Variants in IGSF21 observed in about 807,000 individuals in gnomAD.
IGSF21 encodes the protein immunoglobulin superfamily member 21.
Under a neutral mutation model 46.8 loss-of-function variants are expected in IGSF21, and 28 were observed. The observed-to-expected ratio is 0.60, with a 90% CI of 0.44 to 0.82. The LOEUF (loss-of-function observed/expected upper bound fraction) is 0.82. IGSF21 is among the 40% of genes least tolerant of loss of function. IGSF21 has a pLI of 0.00. For missense variants in IGSF21, 624 were observed against 665.5 expected (o/e 0.94, Z 0.69); for synonymous variants, 284 against 273.6 (o/e 1.04, Z -0.38).
intron 1 of IGSF21, among the ~76,000 whole-genome samples, chr1:18,129,810 T>A (rs2086302166): frequency 6.6e-6 from 1 of 152,144 alleles, no homozygotes; most frequent in South Asian, 2.1e-4. Flanking sequence ...AAGAGGTGAT[T>A]AGGTCACGCG....
intron 1 of IGSF21, among the ~76,000 whole-genome samples, chr1:18,117,923 G>A (rs1363538469): frequency 1.3e-5 from 2 of 152,218 alleles, no homozygotes; most frequent in East Asian, 1.9e-4. Context: ...GCATGATGTG[G>A]GGGGCAGGTC....
intron 1 of IGSF21, among the ~76,000 whole-genome samples, chr1:18,146,737 C>T (rs991159656): frequency 3.9e-5 from 6 of 152,108 alleles, no homozygotes; most frequent in Admixed American, 1.3e-4. Flanking sequence ...TGACGTGCCC[C>T]TCTCCCCAGC....
chr1:18,202,639 T>G (rs2124483963), intron 1 of IGSF21, among the ~76,000 whole-genome samples: 1 of 152,170 alleles, frequency 6.6e-6, no homozygotes, highest in Non-Finnish European at 1.5e-5. Flanking sequence ...TCAGATCTCA[T>G]GAGAACTCAC....
At chr1:18,183,084 A>G (rs1250632838) in intron 1 of IGSF21, among the ~76,000 whole-genome samples, 2 of 152,156 alleles carry the variant, frequency 1.3e-5, no homozygotes, top group Admixed American at 6.5e-5. Flanking sequence ...CCTTTTTCTA[A>G]TAGAGTGACC....
At chr1:18,120,970 C>T (rs1483810156) in intron 1 of IGSF21, among the ~76,000 whole-genome samples, 1 of 152,176 alleles carries the variant, frequency 6.6e-6, no homozygotes, top group Non-Finnish European at 1.5e-5. Context: ...CGTCATTCCC[C>T]AGTCTATTTT....
At chr1:18,309,334 A>C (rs1231767705) in intron 3 of IGSF21, among the ~76,000 whole-genome samples, 2 of 152,134 alleles carry the variant, frequency 1.3e-5, no homozygotes, top group Non-Finnish European at 2.9e-5. Context: ...AGCCAAGTGC[A>C]CTTACATGTG....
chr1:18,316,810 T>G (rs1157254335), intron 3 of IGSF21, among the ~76,000 whole-genome samples: 1 of 152,194 alleles, frequency 6.6e-6, no homozygotes, highest in African/African-American at 2.4e-5. Context: ...AGAGGCATAA[T>G]GAGCTAATAT....
intron 2 of IGSF21, among the ~76,000 whole-genome samples, chr1:18,237,039 C>G (rs1292191474): frequency 4.6e-5 from 7 of 152,112 alleles, no homozygotes. Context: ...AACATGAAGA[C>G]CCAATTGCTT....
intron 6 of IGSF21, among the ~76,000 whole-genome samples, chr1:18,369,179 AC>A (rs2124635773): frequency 6.6e-6 from 1 of 152,272 alleles, no homozygotes; most frequent in South Asian, 2.1e-4. Flanking sequence ...GTAAAGAGAC[AC>A]CTGGGCTGAC....
chr1:18,232,622 C>T (rs2084639062), intron 2 of IGSF21, among the ~76,000 whole-genome samples: 1 of 152,222 alleles, frequency 6.6e-6, no homozygotes, highest in South Asian at 2.1e-4. Context: ...ACACCCTCCT[C>T]CATGAATCCT....
In IGSF21 at chr1:18,195,075, C is replaced by T. The variant is rs565493826; in HGVS notation, c.71-32823C>T. On this transcript the variant is annotated intron_variant, in intron 1 of 9. Coordinates refer to ENST00000251296, the MANE Select transcript of IGSF21 (RefSeq NM_032880.5). Reference sequence around the variant, plus strand: ...AGCCCCCATGATTCAATGATCTCCACCAGGCCATGCCCTTGACACATGGGG... The same window carrying T: ...AGCCCCCATGATTCAATGATCTCCATCAGGCCATGCCCTTGACACATGGGG... Among the ~76,000 whole-genome samples the T allele has an allele frequency of 1.4e-4, 22 of 152,338 alleles. No individual in the cohort carries two copies. The South Asian group carries it at 4.6e-3, about 32-fold the overall frequency.
intron 2 of IGSF21, among the ~76,000 whole-genome samples, chr1:18,267,089 G>A (rs1032546904): frequency 6.6e-6 from 1 of 152,220 alleles, no homozygotes; most frequent in Non-Finnish European, 1.5e-5. Flanking sequence ...CTGTATGTAT[G>A]TAACTCAGGC....
intron 1 of IGSF21, among the ~76,000 whole-genome samples, chr1:18,204,021 G>C (rs2087102659): frequency 6.6e-6 from 1 of 152,192 alleles, no homozygotes; most frequent in Admixed American, 6.5e-5. Flanking sequence ...TGTAAGATGT[G>C]ACCAACCTCT....
At chr1:18,339,221 G>A (rs1189271914) in intron 4 of IGSF21, among the ~76,000 whole-genome samples, 2 of 152,204 alleles carry the variant, frequency 1.3e-5, no homozygotes, top group Admixed American at 6.5e-5. Context: ...GTACATCCAC[G>A]TGAGTCACAG....
Position 18,368,154 on chromosome 1 carries a change from G to A in IGSF21, c.1015+2457G>A, listed in dbSNP as rs570191560. 1.6e-4 allele frequency among the ~76,000 whole-genome samples: 25 copies of A among 151,944 alleles called. No homozygotes were observed. In the East Asian group the frequency reaches 1.8e-3, roughly 11 times the overall value. ...GCCTCTCACTCTGCCTCCTCACGGC[G>A]TCCCTCTGTCACAGGTGCCCACTTC... On this transcript the variant is annotated intron_variant, in intron 6 of 9. Transcript: ENST00000251296.
intron 6 of IGSF21, among the ~76,000 whole-genome samples, chr1:18,368,539 A>T (rs1295701013): frequency 1.0e-5 from 1 of 96,520 alleles, no homozygotes; most frequent in Non-Finnish European, 2.3e-5. Context: ...TTGGGGGGAA[A>T]AAAGATATTA....
intron 2 of IGSF21, among the ~76,000 whole-genome samples, chr1:18,232,130 C>T (rs772589075): frequency 1.3e-5 from 2 of 150,316 alleles, no homozygotes; most frequent in African/African-American, 2.4e-5. Context: ...CTGCTTTCTC[C>T]ACTGTTACAT....
chr1:18,340,996 C>T lies in IGSF21; in HGVS notation c.424+5986C>T, dbSNP rs1274951754. 9.8e-4 allele frequency among the ~76,000 whole-genome samples: 104 copies of T among 106,360 alleles called. 1 individual carries two copies. Among genetic ancestry groups the T allele is most frequent in the African/African-American group, 3.7e-3 (99 of 26,412 alleles). 69.8% of individuals were successfully genotyped at this position (106,360 alleles called of 152,430 possible). On this transcript the variant is annotated intron_variant, in intron 4 of 9. Coordinates refer to ENST00000251296, the MANE Select transcript of IGSF21 (RefSeq NM_032880.5). The stretch of plus-strand genomic sequence containing the variant: ...TCCTTCTTCTTCTCCTTCTTCTTCT[C>T]CTCCTCCTCCTTCTTCTCTTCTTCT...
At chr1:18,317,476 T>C (rs2085554736) in intron 3 of IGSF21, among the ~76,000 whole-genome samples, 1 of 152,188 alleles carries the variant, frequency 6.6e-6, no homozygotes, top group African/African-American at 2.4e-5. Flanking sequence ...CTCCTCTCCA[T>C]GGGAACCACA....
Sources: allele counts gnomAD v4.1 joint callset (sites outside exome capture counted in the v4.1 genomes callset), GRCh38; gene constraint gnomAD v4.1.1; transcripts MANE v1.5; gene names NCBI Gene and HGNC (gene_info 2026-07-23, HGNC 2026-07-21).